Variants in MLIP observed in about 807,000 individuals in gnomAD.
The protein encoded by MLIP is muscular LMNA interacting protein, also known as muscular LMNA-interacting protein.
Under a neutral mutation model 84.8 loss-of-function variants are expected in MLIP, and 79 were observed. The ratio of observed to expected loss-of-function variants is 0.93; its 90% CI spans 0.78 to 1.12. The LOEUF is 1.12. MLIP is among the 50% of genes most tolerant of loss of function. The probability of loss-of-function intolerance (pLI) is 0.00; values close to 1 mark genes in which losing one functional copy is unlikely to be tolerated. For synonymous variants in MLIP, 504 were observed against 463.0 expected (o/e 1.09, Z -1.14); for missense variants, 1,257 against 1,160.6 (o/e 1.08, Z -1.21).
chr6:54,051,642 G>T (rs987237881), intron 1 of MLIP, among the ~76,000 whole-genome samples: 1 of 151,978 alleles, frequency 6.6e-6, no homozygotes, highest in African/African-American at 2.4e-5. Context: ...AGAAAATCTG[G>T]GATTCTGATC....
chr6:54,043,845 T>C (rs1764885139), intron 1 of MLIP, among the ~76,000 whole-genome samples: 1 of 152,122 alleles, frequency 6.6e-6, no homozygotes, highest in Admixed American at 6.5e-5. Context: ...AAAATATGTG[T>C]CATGGTGACA....
At chr6:54,185,582 A>C (rs1471431309) in intron 9 of MLIP, among the ~76,000 whole-genome samples, 2 of 152,224 alleles carry the variant, frequency 1.3e-5, no homozygotes, top group East Asian at 3.8e-4. Flanking sequence ...TATTTAGTAC[A>C]ATATACTAAA....
At chr6:54,082,611 C>G (rs961459883) in intron 1 of MLIP, among the ~76,000 whole-genome samples, 1 of 152,126 alleles carries the variant, frequency 6.6e-6, no homozygotes, top group Non-Finnish European at 1.5e-5. Context: ...GTAGATTTAC[C>G]AATTTATTCT....
At chr6:54,179,110 T>C (rs1412503303) in intron 9 of MLIP, among the ~76,000 whole-genome samples, 1 of 152,228 alleles carries the variant, frequency 6.6e-6, no homozygotes, top group Non-Finnish European at 1.5e-5. Context: ...GCAATCATTA[T>C]AGCCTTTTGC....
At chr6:54,030,768 T>C (rs1764086632) in intron 1 of MLIP, 1 of 152,208 alleles carries the variant, frequency 6.6e-6, no homozygotes, top group South Asian at 2.1e-4. Context: ...ACCATTTTTC[T>C]GGAGTATAAT....
At chr6:54,166,018 C>T (rs1195586407) in intron 8 of MLIP, among the ~76,000 whole-genome samples, 1 of 151,878 alleles carries the variant, frequency 6.6e-6, no homozygotes, top group Non-Finnish European at 1.5e-5. Flanking sequence ...GGATTTTAGA[C>T]CTCCCAGCCT....
At chr6:54,145,216 A>G (rs985781625) in intron 4 of MLIP, among the ~76,000 whole-genome samples, 3 of 152,180 alleles carry the variant, frequency 2.0e-5, no homozygotes, top group Admixed American at 2.0e-4. Flanking sequence ...CATTAGAATG[A>G]TTAGTAATTT....
chr6:54,266,152 G>C lies in MLIP; in HGVS notation c.*197G>C, dbSNP rs555203253. ...CTCTGCTAACAGCCAGCATAGAAGAGATTTACCTACAGCTTTTTGCACCAC... is the reference window on the plus strand; with the variant it reads ...CTCTGCTAACAGCCAGCATAGAAGACATTTACCTACAGCTTTTTGCACCAC... On this transcript the variant is annotated 3_prime_UTR_variant, in exon 14 of 14. Coordinates refer to ENST00000502396, the MANE Select transcript of MLIP (RefSeq NM_001281747.2). 1.0e-5 allele frequency: 6 copies of C among 595,264 alleles called. No homozygotes were observed. The African/African-American group carries it at 1.1e-4, about 11-fold the overall frequency. 36.9% of individuals were successfully genotyped at this position (595,264 alleles called of 1,614,324 possible).
chr6:54,127,831 G>A (rs552953328), intron 3 of MLIP, among the ~76,000 whole-genome samples: 124 of 152,246 alleles, frequency 8.1e-4, no homozygotes, highest in African/African-American at 2.9e-3. Flanking sequence ...AACATGTTAT[G>A]TAAAATAAGC....
At chr6:54,020,172 A>C (rs764197516) in intron 1 of MLIP, among the ~76,000 whole-genome samples, 1 of 152,212 alleles carries the variant, frequency 6.6e-6, no homozygotes, top group Non-Finnish European at 1.5e-5. Flanking sequence ...CAACTACCAA[A>C]TATAAGACCA....
At chr6:54,191,123 T>G (rs914172833) in intron 10 of MLIP, among the ~76,000 whole-genome samples, 1 of 152,096 alleles carries the variant, frequency 6.6e-6, no homozygotes, top group Non-Finnish European at 1.5e-5. Context: ...TTTGGCTATT[T>G]ATTGTCTAAA....
intron 10 of MLIP, among the ~76,000 whole-genome samples, chr6:54,190,395 T>C (rs1478329586): frequency 6.6e-6 from 1 of 152,190 alleles, no homozygotes; most frequent in Non-Finnish European, 1.5e-5. Context: ...CATATGTAAT[T>C]TTAAAACTTC....
At chr6:54,218,150 G>T in intron 11 of MLIP, 1 of 246,456 alleles carries the variant, frequency 4.1e-6, no homozygotes, top group Non-Finnish European at 6.5e-6. Flanking sequence ...TGCATCATTA[G>T]GTGATTTTGT....
At chr6:54,060,551 G>A (rs893872073) in intron 1 of MLIP, among the ~76,000 whole-genome samples, 2 of 152,164 alleles carry the variant, frequency 1.3e-5, no homozygotes, top group Non-Finnish European at 2.9e-5. Context: ...CTCCCACTGT[G>A]CATTCTGACG....
At chr6:54,252,642 G>T (rs1782720383) in intron 12 of MLIP, among the ~76,000 whole-genome samples, 1 of 150,844 alleles carries the variant, frequency 6.6e-6, no homozygotes, top group Non-Finnish European at 1.5e-5. Context: ...CTCCTCATAG[G>T]AGTGGTGGGG....
At chr6:54,183,026 T>G (rs1370237062) in intron 9 of MLIP, among the ~76,000 whole-genome samples, 1 of 152,200 alleles carries the variant, frequency 6.6e-6, no homozygotes, top group African/African-American at 2.4e-5. Flanking sequence ...TGGAAGCATA[T>G]TCCTTCCAAA....
chr6:54,163,099 G>C (rs1351212217), intron 8 of MLIP, among the ~76,000 whole-genome samples: 1 of 151,546 alleles, frequency 6.6e-6, no homozygotes, highest in East Asian at 1.9e-4. Context: ...CTTATGTGTT[G>C]GCATTCATTC....
chr6:54,128,573 T>C (rs1386074444), intron 3 of MLIP, among the ~76,000 whole-genome samples: 1 of 152,028 alleles, frequency 6.6e-6, no homozygotes, highest in Admixed American at 6.6e-5. Context: ...CATTAAATCT[T>C]GAAATAAGGA....
At chr6:54,084,049 T>C (rs1767331596) in intron 1 of MLIP, among the ~76,000 whole-genome samples, 1 of 152,194 alleles carries the variant, frequency 6.6e-6, no homozygotes, top group South Asian at 2.1e-4. Context: ...GATCTTGAAA[T>C]AGGTTTCAAC....
Sources: allele counts gnomAD v4.1 joint callset (sites outside exome capture counted in the v4.1 genomes callset), GRCh38; gene constraint gnomAD v4.1.1; transcripts MANE v1.5; gene names NCBI Gene and HGNC (gene_info 2026-07-23, HGNC 2026-07-21).